The following CAP2 variants were observed in gnomAD, a reference collection of about 807,000 sequenced individuals.
CAP2 encodes cyclase associated actin cytoskeleton regulatory protein 2, also known as adenylyl cyclase-associated protein 2.
CAP2 carries 24 observed loss-of-function variants against 57.7 expected under a neutral mutation model. The ratio of observed to expected loss-of-function variants is 0.42; its 90% CI spans 0.30 to 0.58. The LOEUF is 0.58. Among genes scored for constraint, CAP2 ranks in the 20% least tolerant of loss-of-function variants. The probability of loss-of-function intolerance (pLI) is 0.22; values close to 1 mark genes in which losing one functional copy is unlikely to be tolerated. For synonymous variants in CAP2, 194 were observed against 207.2 expected, an observed-to-expected ratio of 0.94 and a Z score of 0.55; for missense variants, 501 against 590.3, an observed-to-expected ratio of 0.85 and a Z score of 1.57.
intron 1 of CAP2, among the ~76,000 whole-genome samples, chr6:17,419,124 A>T (rs1561776404): frequency 6.6e-6 from 1 of 152,194 alleles, no homozygotes; most frequent in Non-Finnish European, 1.5e-5. Flanking sequence ...TTACAGAGCT[A>T]TACAAGTTTT....
chr6:17,429,385 T>C, intron 3 of CAP2, among the ~76,000 whole-genome samples: 1 of 152,324 alleles, frequency 6.6e-6, no homozygotes, highest in East Asian at 1.9e-4. Context: ...ATTAGGAGTA[T>C]CTCAAAAATT....
intron 4 of CAP2, among the ~76,000 whole-genome samples, chr6:17,491,803 T>C (rs1016576954): frequency 6.6e-6 from 1 of 152,258 alleles, no homozygotes; most frequent in African/African-American, 2.4e-5. Flanking sequence ...ACCAAAGTTT[T>C]ATGATGTTTA....
chr6:17,456,597 A>C (rs1760578228), intron 3 of CAP2, among the ~76,000 whole-genome samples: 1 of 152,172 alleles, frequency 6.6e-6, no homozygotes, highest in South Asian at 2.1e-4. Context: ...CAGTAGACCA[A>C]CTGGGGAGGT....
chr6:17,554,176 G>A (rs953229218), intron 12 of CAP2, among the ~76,000 whole-genome samples: 7 of 152,140 alleles, frequency 4.6e-5, no homozygotes, highest in African/African-American at 1.7e-4. Flanking sequence ...GTGCGATCAT[G>A]GCTCACTGCA....
chr6:17,433,332 C>T (rs1018218577), intron 3 of CAP2, among the ~76,000 whole-genome samples: 8 of 152,218 alleles, frequency 5.3e-5, no homozygotes, highest in African/African-American at 1.9e-4. Context: ...CTGACTCCTT[C>T]GTCTAAAAGG....
chr6:17,554,193 A>C (rs550711224), intron 12 of CAP2, among the ~76,000 whole-genome samples: 2 of 151,972 alleles, frequency 1.3e-5, no homozygotes, highest in Admixed American at 6.6e-5. Context: ...TGCAACCTCG[A>C]CCCCCCGGGC....
intron 7 of CAP2, among the ~76,000 whole-genome samples, chr6:17,535,472 G>A (rs1032180218): frequency 6.6e-6 from 1 of 151,734 alleles, no homozygotes; most frequent in African/African-American, 2.4e-5. Flanking sequence ...ACGGGGTTTC[G>A]CCATGTTGGT....
Position 17,513,965 on chromosome 6 carries a change from G to A in CAP2, c.636+11G>A, listed in dbSNP as rs759528507. ...ACATGGAGCAAAACAGTGAGTACGA[G>A]GCCTTCCTCCACGTGTGTAAAAAAA... On this transcript the variant is annotated intron_variant, in intron 7 of 12. Transcript: ENST00000229922. This position sits in a 1 kb window ranked among gnomAD's most constrained non-coding sequence, Gnocchi z 4.3. 1.3e-6 allele frequency: 2 copies of A among 1,523,922 alleles called. No homozygotes were observed. The highest frequency in any genetic ancestry group is 1.4e-5 in the African/African-American group (1 of 73,064). 94.4% of individuals were successfully genotyped at this position (1,523,922 alleles called of 1,614,324 possible).
intron 1 of CAP2, among the ~76,000 whole-genome samples, chr6:17,415,316 C>A (rs1307382624): frequency 3.3e-5 from 5 of 152,140 alleles, no homozygotes; most frequent in Non-Finnish European, 5.9e-5. Context: ...ACCCTTTAGA[C>A]AATGTGGAGT....
intron 3 of CAP2, among the ~76,000 whole-genome samples, chr6:17,440,004 G>A (rs1760026194): frequency 1.3e-5 from 2 of 151,544 alleles, no homozygotes; most frequent in Non-Finnish European, 2.9e-5. Context: ...CTCCTGGATG[G>A]TCTTGCTTGT....
Position 17,539,341 on chromosome 6 carries a change from C to T in CAP2, c.709C>T (p.Pro237Ser), listed in dbSNP as rs201460559. Residue 237 changes from proline to serine, a missense_variant, in exon 8 of 13, where the codon CCT (proline) becomes TCT (serine). Coordinates refer to ENST00000229922, the MANE Select transcript of CAP2 (RefSeq NM_006366.3). ...GCCTGGCCTTCCTCCACCCCCTCCT[C>T]CTCTGCCTCCTCCAGGGCCACCTCC... ...SGPGLPPPPP[P>S]LPPPGPPPLF... The T allele has an allele frequency of 7.4e-6, 12 of 1,614,116 alleles. No individual in the cohort carries two copies. The Admixed American group carries it at 2.0e-4, about 27-fold the overall frequency.
At chr6:17,438,105 G>C (rs979217141) in intron 3 of CAP2, among the ~76,000 whole-genome samples, 3 of 146,602 alleles carry the variant, frequency 2.0e-5, no homozygotes. Context: ...TGGTGGCTCA[G>C]GCCTGTAATC....
intron 3 of CAP2, among the ~76,000 whole-genome samples, chr6:17,446,375 C>A (rs1460059159): frequency 6.6e-6 from 1 of 152,178 alleles, no homozygotes; most frequent in Non-Finnish European, 1.5e-5. Context: ...AGATACCAAA[C>A]AAGATTTTTC....
chr6:17,516,771 G>A (rs115851091), intron 7 of CAP2, among the ~76,000 whole-genome samples: 49 of 152,290 alleles, frequency 3.2e-4, no homozygotes, highest in African/African-American at 1.1e-3. Flanking sequence ...CATGCCAAAG[G>A]AGAGTTTGTG....
chr6:17,556,724 T>G lies in CAP2; in HGVS notation c.*282T>G. On this transcript the variant is annotated 3_prime_UTR_variant, in exon 13 of 13. Coordinates refer to ENST00000229922, the MANE Select transcript of CAP2 (RefSeq NM_006366.3). The stretch of plus-strand genomic sequence containing the variant: ...AAAAAAAAGAATTCTGTTCCCCTCA[T>G]ATCATGAACACAGTAACTGATAGGT... 1 of 376,748 alleles carries G rather than the reference T, an allele frequency of 2.7e-6. No homozygotes were observed. The allele number at this position is 376,748 out of a possible 1,614,324, so 23.3% of individuals were successfully genotyped here.
Position 17,513,782 on chromosome 6 carries a change from C to G in CAP2, c.531-67C>G, listed in dbSNP as rs1762209525. The G allele has an allele frequency of 8.9e-7, 1 of 1,120,142 alleles. No individual in the cohort carries two copies. The highest frequency in any genetic ancestry group is 1.6e-5 in the African/African-American group (1 of 64,278). The allele number at this position is 1,120,142 out of a possible 1,614,324, so 69.4% of individuals were successfully genotyped here. On this transcript the variant is annotated intron_variant, in intron 6 of 12. Coordinates refer to ENST00000229922, the MANE Select transcript of CAP2 (RefSeq NM_006366.3). This position sits in a 1 kb window ranked among gnomAD's most constrained non-coding sequence, Gnocchi z 4.3. ...TAGTCACTAGATAACCATGTGCCCC[C>G]ACAATTTTTTTAAAATTTTATTTTA...
intron 3 of CAP2, among the ~76,000 whole-genome samples, chr6:17,443,269 T>A (rs1322055824): frequency 6.6e-6 from 1 of 151,970 alleles, no homozygotes; most frequent in Non-Finnish European, 1.5e-5. Context: ...AAGAAAAAAA[T>A]ATGCTTTTAG....
At chr6:17,422,591 C>T (rs1759479292) in intron 2 of CAP2, among the ~76,000 whole-genome samples, 1 of 151,900 alleles carries the variant, frequency 6.6e-6, no homozygotes, top group African/African-American at 2.4e-5. Flanking sequence ...CCTCGTGATC[C>T]GCCTGCCTCG....
chr6:17,493,052 C>A (rs560688945), intron 4 of CAP2, among the ~76,000 whole-genome samples: 1 of 152,248 alleles, frequency 6.6e-6, no homozygotes, highest in East Asian at 1.9e-4. Context: ...ATTTTCTTCA[C>A]GTGTGAATAA....
Sources: allele counts gnomAD v4.1 joint callset (sites outside exome capture counted in the v4.1 genomes callset), GRCh38; gene constraint gnomAD v4.1.1; non-coding constraint Gnocchi (gnomAD v3.1); transcripts MANE v1.5; gene names NCBI Gene and HGNC (gene_info 2026-07-23, HGNC 2026-07-21).